KCNH5: variants seen among roughly 807,000 people sequenced by gnomAD.
KCNH5 encodes voltage-gated delayed rectifier potassium channel KCNH5.
KCNH5 carries 46 observed loss-of-function variants against 96.1 expected under a neutral mutation model. The observed-to-expected ratio is 0.48, with a 90% CI of 0.38 to 0.61. The LOEUF is 0.61. Among genes scored for constraint, KCNH5 ranks in the 20% least tolerant of loss-of-function variants. The probability of loss-of-function intolerance (pLI) is 0.00; values close to 1 mark genes in which losing one functional copy is unlikely to be tolerated. For synonymous variants in KCNH5, 439 were observed against 449.8 expected (o/e 0.98, Z 0.30); for missense variants, 907 against 1,225.8 (o/e 0.74, Z 3.88).
rs181680617 is a variant in KCNH5 at position 62,839,150 on chromosome 14, C to A, written c.1569+10503G>T. On this transcript the variant is annotated intron_variant, in intron 8 of 10. Coordinates refer to ENST00000322893, the MANE Select transcript of KCNH5 (RefSeq NM_139318.5). ...ATGTTATTATATTGTATACTTATAA[C>A]ATAAATTGATGTTTACAAAATCATA... Among the ~76,000 whole-genome samples, 1,394 of 151,672 alleles carry A rather than the reference C, an allele frequency of 9.2e-3. 5 individuals carry two copies. The highest frequency in any genetic ancestry group is 0.013 in the Non-Finnish European group (891 of 67,684).
chr14:62,971,376 G>A (rs1890404769), intron 6 of KCNH5, among the ~76,000 whole-genome samples: 1 of 152,066 alleles, frequency 6.6e-6, no homozygotes, highest in Non-Finnish European at 1.5e-5. Flanking sequence ...AATAAATGAA[G>A]AGATATTTCA....
intron 9 of KCNH5, among the ~76,000 whole-genome samples, chr14:62,800,964 C>G (rs149847039): frequency 2.4e-4 from 36 of 151,524 alleles, no homozygotes; most frequent in African/African-American, 7.7e-4. Flanking sequence ...TAGAAGAAAT[C>G]TAACTGTAAT....
intron 7 of KCNH5, among the ~76,000 whole-genome samples, chr14:62,925,179 A>G (rs17823837): frequency 0.012 from 1,857 of 152,120 alleles, 46 homozygotes; most frequent in East Asian, 0.093. Flanking sequence ...TTGTTGGTTA[A>G]CCAGAATTTA....
intron 8 of KCNH5, among the ~76,000 whole-genome samples, chr14:62,818,119 G>GGA (rs1197195908): frequency 1.1e-5 from 1 of 92,666 alleles, no homozygotes; most frequent in African/African-American, 3.9e-5. Context: ...CGGGGGGGGG[G>GGA]TGGAAGAAAT....
intron 7 of KCNH5, among the ~76,000 whole-genome samples, chr14:62,924,736 TCA>T (rs1270119381): frequency 6.6e-6 from 1 of 151,922 alleles, no homozygotes; most frequent in Non-Finnish European, 1.5e-5. Context: ...ATGCATGATC[TCA>T]CTTACAAGTG....
intron 10 of KCNH5, among the ~76,000 whole-genome samples, chr14:62,778,971 T>C (rs1188310672): frequency 6.6e-6 from 1 of 152,218 alleles, no homozygotes; most frequent in Non-Finnish European, 1.5e-5. Context: ...AAGCAGGTTA[T>C]AGAAAGGAAT....
chr14:62,807,747 T>C (rs547972006), intron 8 of KCNH5, among the ~76,000 whole-genome samples: 1 of 152,052 alleles, frequency 6.6e-6, no homozygotes, highest in East Asian at 1.9e-4. Context: ...GTAAAATGAC[T>C]GGTTGTTTAA....
chr14:62,829,932 T>C (rs1015264371), intron 8 of KCNH5, among the ~76,000 whole-genome samples: 9 of 152,210 alleles, frequency 5.9e-5, no homozygotes, highest in Non-Finnish European at 1.2e-4. Context: ...TATCTCTTCA[T>C]GAACGGATAT....
At chr14:63,015,228 TACTG>T (rs2139605989) in intron 2 of KCNH5, among the ~76,000 whole-genome samples, 1 of 152,200 alleles carries the variant, frequency 6.6e-6, no homozygotes, top group African/African-American at 2.4e-5. Flanking sequence ...TGGTTAAAAA[TACTG>T]ACTCCCTGCT....
intron 10 of KCNH5, among the ~76,000 whole-genome samples, chr14:62,730,395 A>T (rs1885024328): frequency 6.6e-6 from 1 of 152,212 alleles, no homozygotes; most frequent in Non-Finnish European, 1.5e-5. Context: ...TTCTGTAGAT[A>T]TTATTATCCT....
chr14:63,001,201 A>G, intron 4 of KCNH5, 130 bp downstream of exon 4: 2 of 706,520 alleles, frequency 2.8e-6, no homozygotes, highest in Non-Finnish European at 4.4e-6. Flanking sequence ...AACAGATTCC[A>G]AGCAATGAAG....
At position 63,006,375 on chromosome 14, in the gene KCNH5, T is replaced by C; in HGVS notation, c.295A>G (p.Lys99Glu). 6.2e-7 allele frequency: 1 copy of C among 1,602,984 alleles called. No individual in the cohort carries two copies. Among genetic ancestry groups the C allele is most frequent in the Non-Finnish European group, 8.5e-7 (1 of 1,170,712 alleles). ...TAATTGAGATACCTACTGTTTTTCT[T>C]GTACAGAAGAACTTCAAAGCAGTTT... ...ESNCFEVLLY[K>E]KNRTPVWFYM... The change falls in exon 3 of 11, where the codon AAG becomes GAG. Residue 99 changes from lysine (K) to glutamate (E), a missense_variant. Lys to Glu is a moderately conservative substitution (Grantham distance 56). This residue lies in a region of KCNH5 where 370 missense variants were observed against 561.3 expected (regional missense o/e 0.66). Coordinates refer to ENST00000322893, the MANE Select transcript of KCNH5 (RefSeq NM_139318.5).
intron 10 of KCNH5, among the ~76,000 whole-genome samples, chr14:62,728,739 T>C (rs2139921725): frequency 6.6e-6 from 1 of 152,318 alleles, no homozygotes; most frequent in African/African-American, 2.4e-5. Context: ...AACTGGGCCT[T>C]ATATGATGGT....
intron 9 of KCNH5, among the ~76,000 whole-genome samples, chr14:62,786,899 C>G: frequency 6.6e-6 from 1 of 152,146 alleles, no homozygotes; most frequent in East Asian, 1.9e-4. Context: ...GTTTTAACTA[C>G]TCCACTGATC....
intron 10 of KCNH5, among the ~76,000 whole-genome samples, chr14:62,773,622 A>T (rs959453731): frequency 6.6e-5 from 10 of 152,234 alleles, no homozygotes; most frequent in Non-Finnish European, 1.3e-4. Context: ...ACGTATAGAA[A>T]CAGCAAATAA....
At chr14:62,795,336 C>G (rs2139992861) in intron 9 of KCNH5, among the ~76,000 whole-genome samples, 1 of 152,188 alleles carries the variant, frequency 6.6e-6, no homozygotes, top group African/African-American at 2.4e-5. Flanking sequence ...GGTTTCTCAT[C>G]AATGGATTCA....
chr14:62,929,295 C>T (rs929571811), intron 7 of KCNH5, among the ~76,000 whole-genome samples: 7 of 152,192 alleles, frequency 4.6e-5, no homozygotes, highest in South Asian at 2.1e-4. Flanking sequence ...TCCATTGTTA[C>T]TATCTTGGCC....
intron 7 of KCNH5, among the ~76,000 whole-genome samples, chr14:62,901,286 T>C (rs778838505): frequency 3.9e-5 from 6 of 152,176 alleles, no homozygotes; most frequent in Non-Finnish European, 7.4e-5. Flanking sequence ...TACCTAGGTA[T>C]ATTGTGTGAT....
At chr14:62,878,212 G>C (rs12893793) in intron 7 of KCNH5, among the ~76,000 whole-genome samples, 1 of 140,062 alleles carries the variant, frequency 7.1e-6, no homozygotes, top group African/African-American at 2.6e-5. Flanking sequence ...GGGGGGGGGG[G>C]CGGAGGGATA....
Sources: gnomAD v4.1 joint callset for allele counts (sites outside exome capture counted in the v4.1 genomes callset) on GRCh38, gnomAD v4.1.1 for gene constraint, gnomAD v4.1.1 regional missense constraint, MANE v1.5 for transcripts, NCBI Gene and HGNC (gene_info 2026-07-23, HGNC 2026-07-21) for gene names.